The following ESRRG variants were observed in gnomAD, a reference collection of about 807,000 sequenced individuals.
ESRRG encodes the protein estrogen-related receptor gamma.
ESRRG carries 13 observed loss-of-function variants against 44.0 expected under a neutral mutation model. The observed-to-expected ratio is 0.30, with a 90% CI of 0.19 to 0.47. The LOEUF (loss-of-function observed/expected upper bound fraction) is 0.47. Ranked by LOEUF, ESRRG falls within the 20% of genes least tolerant of loss-of-function variation. The probability of loss-of-function intolerance (pLI) is 1.00; values close to 1 mark genes in which losing one functional copy is unlikely to be tolerated. For synonymous variants in ESRRG, 215 were observed against 214.6 expected (o/e 1.00, Z -0.02); for missense variants, 395 against 580.6 (o/e 0.68, Z 3.29).
At chr1:216,925,488 G>T (rs1461506854) in intron 2 of ESRRG, among the ~76,000 whole-genome samples, 1 of 152,160 alleles carries the variant, frequency 6.6e-6, no homozygotes, top group African/African-American at 2.4e-5. Flanking sequence ...AAGCGAGACA[G>T]CAGCGGTTCC....
intron 2 of ESRRG, among the ~76,000 whole-genome samples, chr1:216,934,129 G>A (rs918389331): frequency 1.3e-5 from 2 of 152,146 alleles, no homozygotes; most frequent in Non-Finnish European, 1.5e-5. Context: ...CTGTTCTCAC[G>A]CTGCTGATAA....
At chr1:216,551,459 T>C (rs2149388690) in intron 5 of ESRRG, among the ~76,000 whole-genome samples, 1 of 152,276 alleles carries the variant, frequency 6.6e-6, no homozygotes, top group Middle Eastern at 3.4e-3. Context: ...TCAGGCCATA[T>C]AAAATGTACT....
intron 1 of ESRRG, among the ~76,000 whole-genome samples, chr1:216,974,531 T>C (rs1053127416): frequency 1.3e-5 from 2 of 152,248 alleles, no homozygotes; most frequent in East Asian, 3.9e-4. Context: ...CTAAACCACA[T>C]ATACATTAGC....
At chr1:217,037,340 A>C (rs534005862) in intron 1 of ESRRG, among the ~76,000 whole-genome samples, 1 of 152,210 alleles carries the variant, frequency 6.6e-6, no homozygotes, top group Non-Finnish European at 1.5e-5. Context: ...ACAGTTCCAC[A>C]TGGCAGGGGA....
At chr1:216,859,342 A>T (rs60955959) in intron 2 of ESRRG, among the ~76,000 whole-genome samples, 31,673 of 152,132 alleles carry the variant, frequency 0.21, 3,907 homozygotes, top group African/African-American at 0.33. Context: ...GAAGTCAGGC[A>T]GAGGCCAACA....
chr1:217,032,856 TC>T (rs1309462979), intron 1 of ESRRG, among the ~76,000 whole-genome samples: 4 of 152,214 alleles, frequency 2.6e-5, no homozygotes, highest in African/African-American at 9.6e-5. Context: ...TCAGGGATGC[TC>T]TATTGTGCAA....
At chr1:216,594,083 A>G (rs144639454) in intron 3 of ESRRG, among the ~76,000 whole-genome samples, 5 of 152,302 alleles carry the variant, frequency 3.3e-5, no homozygotes, top group African/African-American at 1.2e-4. Context: ...TATTGGCATA[A>G]AGAAGCAATT....
At chr1:216,973,793 T>C (rs2789572) in intron 1 of ESRRG, among the ~76,000 whole-genome samples, 34,847 of 145,560 alleles carry the variant, frequency 0.24, 4,476 homozygotes, top group East Asian at 0.44. Flanking sequence ...GCCATTGCAC[T>C]CCAGTCTGGG....
At chr1:216,639,482 T>A (rs767670022) in intron 3 of ESRRG, among the ~76,000 whole-genome samples, 1 of 152,222 alleles carries the variant, frequency 6.6e-6, no homozygotes, top group Admixed American at 6.5e-5. Context: ...TGACCTCCTA[T>A]GGGGGCAACA....
At chr1:216,615,548 G>T (rs1023669636) in intron 3 of ESRRG, among the ~76,000 whole-genome samples, 1 of 152,134 alleles carries the variant, frequency 6.6e-6, no homozygotes, top group African/African-American at 2.4e-5. Context: ...TTTCAGAGTG[G>T]TCAGCTGGTA....
chr1:216,946,679 G>A (rs1447624855), intron 1 of ESRRG, among the ~76,000 whole-genome samples: 1 of 151,796 alleles, frequency 6.6e-6, no homozygotes, highest in Non-Finnish European at 1.5e-5. Flanking sequence ...TCAAAACACA[G>A]ACCACCCTCC....
At chr1:216,635,004 C>T (rs1213180975) in intron 3 of ESRRG, among the ~76,000 whole-genome samples, 1 of 152,124 alleles carries the variant, frequency 6.6e-6, no homozygotes, top group East Asian at 1.9e-4. Context: ...TTTGCTCTCT[C>T]TCTCTCTACT....
At chr1:216,907,823 A>G (rs766248963) in intron 2 of ESRRG, among the ~76,000 whole-genome samples, 1 of 152,260 alleles carries the variant, frequency 6.6e-6, no homozygotes, top group African/African-American at 2.4e-5. Context: ...GCTCTAATTC[A>G]CATCTATCTA....
At chr1:216,530,392 C>T (rs190977905) in intron 5 of ESRRG, among the ~76,000 whole-genome samples, 1 of 152,070 alleles carries the variant, frequency 6.6e-6, no homozygotes, top group African/African-American at 2.4e-5. Context: ...CTCACTGGAC[C>T]CCAGTCTGAT....
intron 2 of ESRRG, among the ~76,000 whole-genome samples, chr1:216,662,340 C>A (rs1177396801): frequency 1.3e-5 from 2 of 152,150 alleles, no homozygotes; most frequent in South Asian, 4.1e-4. Flanking sequence ...AACAAACCAA[C>A]CAAAGAGTAT....
chr1:216,965,117 T>C (rs1443218765), intron 1 of ESRRG, among the ~76,000 whole-genome samples: 1 of 151,730 alleles, frequency 6.6e-6, no homozygotes, highest in Admixed American at 6.6e-5. Flanking sequence ...AAATGTATCA[T>C]GGACAAGTCA....
chr1:217,079,286 G>T (rs1411656729), intron 1 of ESRRG, among the ~76,000 whole-genome samples: 1 of 152,104 alleles, frequency 6.6e-6, no homozygotes, highest in Non-Finnish European at 1.5e-5. Context: ...TCCAGGTTAT[G>T]GTATATTATA....
intron 1 of ESRRG, among the ~76,000 whole-genome samples, chr1:217,052,239 A>C (rs920474774): frequency 1.1e-4 from 16 of 152,334 alleles, no homozygotes; most frequent in African/African-American, 3.8e-4. Flanking sequence ...GAATTTTAAA[A>C]CTATGAAGAA....
rs760000978 is a variant in ESRRG at position 216,525,719 on chromosome 1, G to T, written c.863-6298C>A. ...TTTCAGTCTAACTTTGGGATTAGAT[G>T]GATACTGAATAGGGAAAAACACCAT... On this transcript the variant is annotated intron_variant, in intron 5 of 6. Transcript: ENST00000408911. Among the ~76,000 whole-genome samples, 24 of 152,142 alleles carry T rather than the reference G, an allele frequency of 1.6e-4. 1 individual carries two copies. Among genetic ancestry groups the T allele is most frequent in the Non-Finnish European group, 3.1e-4 (21 of 67,988 alleles).
Sources: gnomAD v4.1 joint callset for allele counts (sites outside exome capture counted in the v4.1 genomes callset) on GRCh38, gnomAD v4.1.1 for gene constraint, MANE v1.5 for transcripts, NCBI Gene and HGNC (gene_info 2026-07-23, HGNC 2026-07-21) for gene names.